Variants in GRIK5 observed in about 807,000 individuals in gnomAD.
The protein encoded by GRIK5 is glutamate ionotropic receptor kainate type subunit 5, also known as glutamate receptor ionotropic, kainate 5.
Under a neutral mutation model 97.4 loss-of-function variants are expected in GRIK5, and 43 were observed. That is an observed-to-expected ratio of 0.44 (90% confidence interval 0.35 to 0.57). The LOEUF (loss-of-function observed/expected upper bound fraction) is 0.57, where lower values mean the gene tolerates loss of function less well. GRIK5 is among the 20% of genes least tolerant of loss of function. The pLI is 0.01. For synonymous variants in GRIK5, 580 were observed against 583.5 expected, an observed-to-expected ratio of 0.99 and a Z score of 0.09; for missense variants, 1,015 against 1,382.0, an observed-to-expected ratio of 0.73 and a Z score of 4.21.
Position 42,065,180 on chromosome 19 carries a change from C to A in GRIK5, c.244+43G>T. The A allele has an allele frequency of 6.4e-7, 1 of 1,558,250 alleles. No individual in the cohort carries two copies. ...GGCAGAGGGATGGACTGAGGGCCAC[C>A]GACCTGCCCTGCCTCACCCCACGCC... is the stretch of plus-strand genomic sequence containing the variant. On this transcript the variant is annotated intron_variant, in intron 3 of 19. Transcript: ENST00000593562. The surrounding 1 kb of genome is among the most constrained non-coding windows in gnomAD (Gnocchi z 5.8).
At chr19:42,052,991 C>T (rs945732334) in intron 11 of GRIK5, among the ~76,000 whole-genome samples, 1 of 152,214 alleles carries the variant, frequency 6.6e-6, no homozygotes, top group Non-Finnish European at 1.5e-5. Context: ...TAGCACAGTG[C>T]CCGGTGCAGA....
At position 42,042,418 on chromosome 19, in the gene GRIK5, T is replaced by G; in HGVS notation, c.1473+134A>C. ...ACAGCGCAACATCAGTGAGGTGGTG[T>G]CAGGGGCCCTTCATGGCTCCTTCCT... On this transcript the variant is annotated intron_variant, in intron 12 of 19. Coordinates refer to ENST00000593562, the MANE Select transcript of GRIK5 (RefSeq NM_002088.5). This position sits in a 1 kb window ranked among gnomAD's most constrained non-coding sequence, Gnocchi z 6.9. 1.3e-6 allele frequency: 1 copy of G among 742,338 alleles called. No individual in the cohort carries two copies. Among genetic ancestry groups the G allele is most frequent in the Non-Finnish European group, 2.2e-6 (1 of 449,134 alleles). The allele number at this position is 742,338 out of a possible 1,614,324, so 46.0% of individuals were successfully genotyped here. A position where few individuals can be genotyped will look rare whatever the true frequency, so the allele number is the denominator to read the frequency against.
rs782015537 is a variant in GRIK5 at position 42,003,421 on chromosome 19, T to C, written c.2425A>G (p.Ile809Val). The C allele has an allele frequency of 1.6e-5, 25 of 1,612,654 alleles. No individual in the cohort carries two copies. Among genetic ancestry groups the C allele is most frequent in the South Asian group, 8.8e-5 (8 of 91,052 alleles). ...ATGATGAGGCCACAGATGAGCACGA[T>C]AAAAATGCCACCAATGTTCTCCATG... ...LGMENIGGIFIVLICGLIIAV... is the reference protein window; with the variant it reads ...LGMENIGGIFVVLICGLIIAV... Residue 809 changes from isoleucine (I) to valine (V), a missense_variant, in exon 19 of 20, where the codon ATC (isoleucine) becomes GTC (valine). By Grantham distance (29) the Ile-to-Val change is conservative (BLOSUM62 3). Around this residue, in one of 5 missense-constraint regions of GRIK5, gnomAD observed 229 missense variants for 341.0 expected, o/e 0.67. Transcript: ENST00000593562. The surrounding 1 kb of genome is among the most constrained non-coding windows in gnomAD (Gnocchi z 4.2).
chr19:42,055,400 G>T (rs909690121), intron 8 of GRIK5, among the ~76,000 whole-genome samples: 4 of 152,222 alleles, frequency 2.6e-5, no homozygotes, highest in African/African-American at 9.6e-5. Flanking sequence ...TATCTGAGTA[G>T]ATGTCTGTGA....
chr19:42,036,698 AT>A (rs1243356678), intron 12 of GRIK5, among the ~76,000 whole-genome samples: 1 of 152,138 alleles, frequency 6.6e-6, no homozygotes, highest in Non-Finnish European at 1.5e-5. Context: ...TGGGGACAAC[AT>A]TTCTAAAGAC....
At chr19:42,035,816 TTC>T in intron 12 of GRIK5, among the ~76,000 whole-genome samples, 1 of 152,236 alleles carries the variant, frequency 6.6e-6, no homozygotes, top group Non-Finnish European at 1.5e-5. Context: ...TATCCAGTGT[TTC>T]TGCTATTTGT....
chr19:42,002,185 G>C lies in GRIK5; in HGVS notation c.2514+1147C>G, dbSNP rs782756195. 6.3e-5 allele frequency: 45 copies of C among 717,460 alleles called. No homozygotes were observed. Among genetic ancestry groups the C allele is most frequent in the Non-Finnish European group, 1.1e-4 (41 of 385,132 alleles). 44.4% of individuals were successfully genotyped at this position (717,460 alleles called of 1,614,324 possible). ...GCAGGGACCGATGCCAGACTGGAGT[G>C]GGGGGCAAGAGGAAATGGGAGGAAA... On this transcript the variant is annotated intron_variant, in intron 19 of 19. Coordinates refer to ENST00000593562, the MANE Select transcript of GRIK5 (RefSeq NM_002088.5). The surrounding 1 kb of genome is among the most constrained non-coding windows in gnomAD (Gnocchi z 5.2).
At chr19:42,054,057 G>A (rs2076150478) in intron 9 of GRIK5, 128 bp from the exon 10 acceptor site, 1 of 680,386 alleles carries the variant, frequency 1.5e-6, no homozygotes, top group African/African-American at 1.8e-5. Flanking sequence ...ACAAGAGAGA[G>A]AAGAGGAAGA....
chr19:42,054,335 C>T lies in GRIK5; in HGVS notation c.1041G>A (p.Met347Ile). 5 of 1,611,626 alleles carry T rather than the reference C, an allele frequency of 3.1e-6. No individual in the cohort carries two copies. The highest frequency in any genetic ancestry group is 4.2e-6 in the Non-Finnish European group (5 of 1,178,818). The change falls in exon 9 of 20, where the codon ATG becomes ATA. Residue 347 changes from methionine to isoleucine, a missense_variant. Around this residue, in one of 5 missense-constraint regions of GRIK5, gnomAD observed 477 missense variants for 701.1 expected, o/e 0.68. Transcript: ENST00000593562. ...ANIWPHGTSLMNYLRMVEYDG... is the reference protein window; with the variant it reads ...ANIWPHGTSLINYLRMVEYDG... ...TCGGGCTCACCATGCGCAGGTAGTT[C>T]ATGAGGCTGGTCCCGTGGGGCCAAA...
chr19:42,062,453 G>T lies in GRIK5; in HGVS notation c.508+35C>A. ...AGATCTCTTGGGAAGGGGTGTCTGGGGGAACAGAAAACAAAACATTCAGTT... is the reference window on the plus strand; with the variant it reads ...AGATCTCTTGGGAAGGGGTGTCTGGTGGAACAGAAAACAAAACATTCAGTT... On this transcript the variant is annotated intron_variant, in intron 5 of 19. Coordinates refer to ENST00000593562, the MANE Select transcript of GRIK5 (RefSeq NM_002088.5). The surrounding 1 kb of genome is among the most constrained non-coding windows in gnomAD (Gnocchi z 5.3). The T allele has an allele frequency of 1.2e-6, 2 of 1,609,612 alleles. No homozygotes were observed. Among genetic ancestry groups the T allele is most frequent in the Non-Finnish European group, 1.7e-6 (2 of 1,177,278 alleles).
At chr19:42,005,122 G>A (rs186574797) in intron 17 of GRIK5, among the ~76,000 whole-genome samples, 10 of 151,406 alleles carry the variant, frequency 6.6e-5, no homozygotes, top group East Asian at 3.9e-4. Context: ...CAATTTGGTC[G>A]TGAGTTCCAC....
Position 42,059,227 on chromosome 19 carries a change from C to T in GRIK5, c.687+122G>A, listed in dbSNP as rs76730184. 281 of 720,692 alleles carry T rather than the reference C, an allele frequency of 3.9e-4. 3 individuals are homozygous for T. In the East Asian group the frequency reaches 6.8e-3, roughly 17 times the overall value. 44.6% of individuals were successfully genotyped at this position (720,692 alleles called of 1,614,324 possible). On this transcript the variant is annotated intron_variant, in intron 6 of 19. Transcript: ENST00000593562. ...ACAAACTTTACAATTATCATCTTCA[C>T]GGAAGAAGAAGGTCTTGAAGCCCCC...
intron 12 of GRIK5, among the ~76,000 whole-genome samples, chr19:42,023,215 C>A (rs778244024): frequency 6.6e-6 from 1 of 151,720 alleles, no homozygotes; most frequent in African/African-American, 2.4e-5. Context: ...CAGCTAAAGC[C>A]GGGTACGGGA....
intron 8 of GRIK5, among the ~76,000 whole-genome samples, chr19:42,055,989 C>CTT (rs990570971): frequency 3.8e-5 from 5 of 130,264 alleles, no homozygotes; most frequent in African/African-American, 5.7e-5. Context: ...GGCCAATTTA[C>CTT]TTTTTTTTTT....
At chr19:42,010,066 CAAAA>C (rs60561027) in intron 15 of GRIK5, among the ~76,000 whole-genome samples, 4 of 104,086 alleles carry the variant, frequency 3.8e-5, no homozygotes, top group Admixed American at 9.5e-5. Context: ...AACTCCATCT[CAAAA>C]AAAAAAAAAA....
intron 1 of GRIK5, among the ~76,000 whole-genome samples, chr19:42,066,677 T>C (rs1434308685): frequency 6.7e-6 from 1 of 149,706 alleles, no homozygotes; most frequent in Non-Finnish European, 1.5e-5. Flanking sequence ...GGGAGAGGAC[T>C]AGGAGGGAGA....
chr19:42,028,279 G>A (rs1391258303), intron 12 of GRIK5, among the ~76,000 whole-genome samples: 1 of 147,366 alleles, frequency 6.8e-6, no homozygotes, highest in Non-Finnish European at 1.5e-5. Context: ...TGGGGGGGGG[G>A]TGTCATCTAA....
chr19:42,059,596 C>T, intron 5 of GRIK5, 69 bp from the exon 6 acceptor site: 1 of 1,349,100 alleles, frequency 7.4e-7, no homozygotes, highest in Non-Finnish European at 1.0e-6. Flanking sequence ...ACACTCTCTC[C>T]TCCTCAACAT....
intron 11 of GRIK5, among the ~76,000 whole-genome samples, chr19:42,048,127 G>A (rs2076066535): frequency 6.6e-6 from 1 of 152,080 alleles, no homozygotes; most frequent in South Asian, 2.1e-4. Flanking sequence ...TCATGATATA[G>A]GGGTATACAC....
Sources: allele counts gnomAD v4.1 joint callset (sites outside exome capture counted in the v4.1 genomes callset), GRCh38; gene constraint gnomAD v4.1.1; regional missense constraint gnomAD v4.1.1; non-coding constraint Gnocchi (gnomAD v3.1); transcripts MANE v1.5; gene names NCBI Gene and HGNC (gene_info 2026-07-23, HGNC 2026-07-21).